Variants in FANCC observed in about 807,000 individuals in gnomAD.
The protein encoded by FANCC is Fanconi anemia group C protein.
A neutral mutation model predicts 71.3 loss-of-function variants in FANCC; 55 were observed. The observed-to-expected ratio is 0.77, with a 90% CI of 0.62 to 0.97. FANCC has a LOEUF of 0.97. Ranked by LOEUF, FANCC falls within the 50% of genes least tolerant of loss-of-function variation. The probability of loss-of-function intolerance (pLI) is 0.00; values close to 1 mark genes in which losing one functional copy is unlikely to be tolerated. For synonymous variants in FANCC, 275 were observed against 244.9 expected, an observed-to-expected ratio of 1.12 and a Z score of -1.15; for missense variants, 678 against 670.9, an observed-to-expected ratio of 1.01 and a Z score of -0.12.
chr9:95,200,353 G>T (rs1007407513), intron 4 of FANCC, among the ~76,000 whole-genome samples: 1 of 152,244 alleles, frequency 6.6e-6, no homozygotes, highest in Non-Finnish European at 1.5e-5. Flanking sequence ...CTAACTCAGA[G>T]AGTTGGTGAG....
At chr9:95,264,818 C>T (rs1427000174) in intron 1 of FANCC, among the ~76,000 whole-genome samples, 2 of 152,104 alleles carry the variant, frequency 1.3e-5, no homozygotes, top group Non-Finnish European at 2.9e-5. Flanking sequence ...AAAATATAAT[C>T]AAATATAAAA....
intron 4 of FANCC, among the ~76,000 whole-genome samples, chr9:95,172,758 C>G (rs1825767408): frequency 6.6e-6 from 1 of 151,916 alleles, no homozygotes; most frequent in Non-Finnish European, 1.5e-5. Flanking sequence ...TAATGTAAAT[C>G]AAAGAGATAA....
chr9:95,166,438 T>C (rs141758337), intron 6 of FANCC, among the ~76,000 whole-genome samples: 2,274 of 152,248 alleles, frequency 0.015, 58 homozygotes, highest in African/African-American at 0.051. Context: ...CTTAGAGTTA[T>C]AACAACCTAA....
intron 1 of FANCC, among the ~76,000 whole-genome samples, chr9:95,263,544 A>G (rs996556043): frequency 1.3e-5 from 2 of 150,192 alleles, no homozygotes; most frequent in Non-Finnish European, 1.5e-5. Context: ...ATAGATAGAT[A>G]GATAGATAGA....
intron 3 of FANCC, among the ~76,000 whole-genome samples, chr9:95,243,742 C>T (rs1465841007): frequency 2.6e-5 from 4 of 152,060 alleles, no homozygotes; most frequent in Non-Finnish European, 4.4e-5. Flanking sequence ...TGCAGTGAGC[C>T]GAGATCGCAC....
At chr9:95,312,491 T>C (rs1160982749) in intron 1 of FANCC, among the ~76,000 whole-genome samples, 1 of 152,144 alleles carries the variant, frequency 6.6e-6, no homozygotes, top group Non-Finnish European at 1.5e-5. Flanking sequence ...GCCTCCGTAG[T>C]AGGTGGGACA....
chr9:95,180,816 C>T (rs111673071), intron 4 of FANCC, among the ~76,000 whole-genome samples: 2,980 of 152,154 alleles, frequency 0.02, 58 homozygotes, highest in Middle Eastern at 0.075. Context: ...TACCTAGAAT[C>T]ACCACAAACA....
At chr9:95,235,889 G>C (rs931887439) in intron 4 of FANCC, among the ~76,000 whole-genome samples, 8 of 150,708 alleles carry the variant, frequency 5.3e-5, no homozygotes, top group African/African-American at 1.5e-4. Context: ...GGGCACATGG[G>C]GGGCAGGGAC....
At chr9:95,119,694 AAAG>A (rs2072716443) in intron 10 of FANCC, among the ~76,000 whole-genome samples, 1 of 151,642 alleles carries the variant, frequency 6.6e-6, no homozygotes, top group Admixed American at 6.6e-5. Context: ...GATATCTATC[AAAG>A]AATAGAAATT....
At chr9:95,300,539 C>T (rs189367833) in intron 1 of FANCC, among the ~76,000 whole-genome samples, 70 of 151,942 alleles carry the variant, frequency 4.6e-4, no homozygotes, top group Admixed American at 2.3e-3. Context: ...CAGCCTCCGA[C>T]TCCTGGGTTC....
intron 2 of FANCC, among the ~76,000 whole-genome samples, chr9:95,248,368 A>C (rs2136096201): frequency 6.6e-6 from 1 of 152,328 alleles, no homozygotes; most frequent in South Asian, 2.1e-4. Context: ...TCATTAAAAA[A>C]ACAATTCTAA....
chr9:95,312,345 T>C (rs1298619037), intron 1 of FANCC, among the ~76,000 whole-genome samples: 1 of 152,212 alleles, frequency 6.6e-6, no homozygotes, highest in Admixed American at 6.5e-5. Flanking sequence ...AAGTCAACTA[T>C]AAATAATTAC....
At chr9:95,263,870 G>A (rs1455770094) in intron 1 of FANCC, among the ~76,000 whole-genome samples, 1 of 152,152 alleles carries the variant, frequency 6.6e-6, no homozygotes, top group East Asian at 1.9e-4. Flanking sequence ...GTAGGAACAG[G>A]TATATTATGG....
Position 95,100,173 on chromosome 9 carries a change from T to C in FANCC, c.*1534A>G, listed in dbSNP as rs1315620932. On this transcript the variant is annotated 3_prime_UTR_variant, in exon 15 of 15. Coordinates refer to ENST00000289081, the MANE Select transcript of FANCC (RefSeq NM_000136.3). ...CCTCTGACGAAGCATGTTTGTTATA[T>C]GAAGGCAAGGATCATGATGGCACGA... 4.3e-6 allele frequency: 1 copy of C among 232,836 alleles called. No individual in the cohort carries two copies. The highest frequency in any genetic ancestry group is 8.5e-6 in the Non-Finnish European group (1 of 117,890). The allele number at this position is 232,836 out of a possible 1,614,324, so 14.4% of individuals were successfully genotyped here. A position where few individuals can be genotyped will look rare whatever the true frequency, so the allele number is the denominator to read the frequency against.
intron 1 of FANCC, among the ~76,000 whole-genome samples, chr9:95,304,858 T>G (rs1834984232): frequency 6.6e-6 from 1 of 151,800 alleles, no homozygotes; most frequent in Admixed American, 6.6e-5. Context: ...ATAGCCAAAG[T>G]TCCTCTGAAA....
intron 1 of FANCC, among the ~76,000 whole-genome samples, chr9:95,252,279 A>AG (rs1393302496): frequency 6.9e-6 from 1 of 145,772 alleles, no homozygotes; most frequent in Non-Finnish European, 1.5e-5. Context: ...TGATTCAAAA[A>AG]AAAAAAAAAA....
chr9:95,255,238 C>T (rs961754313), intron 1 of FANCC, among the ~76,000 whole-genome samples: 1 of 152,148 alleles, frequency 6.6e-6, no homozygotes, highest in African/African-American at 2.4e-5. Flanking sequence ...AAGTGGGTCC[C>T]TGACCCGCAT....
chr9:95,289,516 A>G (rs140023008), intron 1 of FANCC, among the ~76,000 whole-genome samples: 1 of 152,358 alleles, frequency 6.6e-6, no homozygotes, highest in Non-Finnish European at 1.5e-5. Context: ...CATCATCTAC[A>G]GGCTTATGAT....
At chr9:95,140,236 T>A (rs767135369) in intron 7 of FANCC, among the ~76,000 whole-genome samples, 138 of 152,184 alleles carry the variant, frequency 9.1e-4, no homozygotes, top group Non-Finnish European at 1.7e-3. Context: ...AAATCTGATT[T>A]ACAGTGACAG....
Sources: gnomAD v4.1 joint callset for allele counts (sites outside exome capture counted in the v4.1 genomes callset) on GRCh38, gnomAD v4.1.1 for gene constraint, MANE v1.5 for transcripts, NCBI Gene and HGNC (gene_info 2026-07-23, HGNC 2026-07-21) for gene names.